MRPL42: variants seen among roughly 807,000 people sequenced by gnomAD.
MRPL42 encodes large ribosomal subunit protein mL42.
MRPL42 carries 17 observed loss-of-function variants against 17.9 expected under a neutral mutation model. The ratio of observed to expected loss-of-function variants is 0.95; its 90% CI spans 0.65 to 1.42. MRPL42 has a LOEUF of 1.42. MRPL42 is among the 40% of genes most tolerant of loss of function. The pLI is 0.00. For synonymous variants in MRPL42, 59 were observed against 54.4 expected, an observed-to-expected ratio of 1.08 and a Z score of -0.37; for missense variants, 177 against 175.2, an observed-to-expected ratio of 1.01 and a Z score of -0.06.
intron 5 of MRPL42, among the ~76,000 whole-genome samples, chr12:93,491,705 T>C (rs1953418366): frequency 6.6e-6 from 1 of 152,162 alleles, no homozygotes; most frequent in African/African-American, 2.4e-5. Context: ...TGGAGTATGA[T>C]TGAACCCATC....
chr12:93,497,091 C>T (rs1393808304), intron 5 of MRPL42, among the ~76,000 whole-genome samples: 8 of 151,928 alleles, frequency 5.3e-5, no homozygotes, highest in Admixed American at 5.2e-4. Flanking sequence ...AAACAACAAC[C>T]AAAAAGCTCT....
intron 5 of MRPL42, among the ~76,000 whole-genome samples, chr12:93,497,112 G>C (rs769355831): frequency 1.3e-5 from 2 of 152,076 alleles, no homozygotes; most frequent in Non-Finnish European, 2.9e-5. Flanking sequence ...GGACCAGACA[G>C]ATCCACAGCT....
chr12:93,503,139 A>C lies in MRPL42; in HGVS notation c.*1918A>C, dbSNP rs1489251110. The C allele has an allele frequency of 5.3e-5, 8 of 152,130 alleles. No homozygotes were observed. The highest frequency in any genetic ancestry group is 1.2e-4 in the Non-Finnish European group (8 of 68,026). The allele number at this position is 152,130 out of a possible 1,614,324, so 9.4% of individuals were successfully genotyped here. A position where few individuals can be genotyped will look rare whatever the true frequency, so the allele number is the denominator to read the frequency against. ...ATTCGTAAAGTGGGATGCTTCTTTA[A>C]TTTAAATACATTTAGCTTCATGAAA... On this transcript the variant is annotated 3_prime_UTR_variant, in exon 6 of 6. Coordinates refer to ENST00000549982, the MANE Select transcript of MRPL42 (RefSeq NM_014050.4).
rs1953645190 is a variant in MRPL42 at position 93,504,486 on chromosome 12, C to A, written c.*3265C>A. 1 of 152,322 alleles carries A rather than the reference C, an allele frequency of 6.6e-6. No individual in the cohort carries two copies. Among genetic ancestry groups the A allele is most frequent in the South Asian group, 2.1e-4 (1 of 4,838 alleles). The allele number at this position is 152,322 out of a possible 1,614,324, so 9.4% of individuals were successfully genotyped here. On this transcript the variant is annotated 3_prime_UTR_variant, in exon 6 of 6. Coordinates refer to ENST00000549982, the MANE Select transcript of MRPL42 (RefSeq NM_014050.4). ...ACATCAGTATATAGAAATATTTTCT[C>A]TTTAGTTCTATTAAAATTTTAAAAA...
rs1017254059 is a variant in MRPL42, at chr12:93,513,710, A to C, written c.*12489A>C. ...GTGTGTTCCAATTCTATTTATTGAA[A>C]TTTAATTTTATATCCATTAACATAA... is the stretch of plus-strand genomic sequence containing the variant. On this transcript the variant is annotated 3_prime_UTR_variant, in exon 6 of 6. Coordinates refer to ENST00000549982, the MANE Select transcript of MRPL42 (RefSeq NM_014050.4). The C allele has an allele frequency of 1.3e-5, 2 of 152,158 alleles. No individual in the cohort carries two copies. The highest frequency in any genetic ancestry group is 2.9e-5 in the Non-Finnish European group (2 of 68,020). 9.4% of individuals were successfully genotyped at this position (152,158 alleles called of 1,614,324 possible).
intron 4 of MRPL42, among the ~76,000 whole-genome samples, chr12:93,483,905 G>A (rs570601592): frequency 1.3e-5 from 2 of 151,910 alleles, no homozygotes; most frequent in African/African-American, 4.8e-5. Context: ...AAGCTTTTTT[G>A]TATTAAAATT....
chr12:93,485,224 G>A (rs983745278), intron 4 of MRPL42, among the ~76,000 whole-genome samples: 17 of 144,752 alleles, frequency 1.2e-4, no homozygotes, highest in Non-Finnish European at 1.4e-4. Context: ...ATGCAGTGGC[G>A]TGATCTTGGC....
At chr12:93,485,859 G>A (rs1880717496) in intron 4 of MRPL42, among the ~76,000 whole-genome samples, 1 of 152,066 alleles carries the variant, frequency 6.6e-6, no homozygotes, top group Admixed American at 6.6e-5. Context: ...TCAGGCAGGA[G>A]GGTACTGTGC....
intron 2 of MRPL42, among the ~76,000 whole-genome samples, chr12:93,473,081 AAT>A (rs917560826): frequency 6.6e-6 from 1 of 152,188 alleles, no homozygotes; most frequent in Admixed American, 6.5e-5. Flanking sequence ...AATGCAATTA[AAT>A]ATATATATGT....
chr12:93,478,308 C>T (rs193292899), intron 3 of MRPL42, among the ~76,000 whole-genome samples: 4 of 152,068 alleles, frequency 2.6e-5, no homozygotes, highest in Admixed American at 6.6e-5. Flanking sequence ...AGTGCAGTGG[C>T]GCTATGTCAG....
chr12:93,501,293 T>G lies in MRPL42; in HGVS notation c.*72T>G. 1 of 1,106,374 alleles carries G rather than the reference T, an allele frequency of 9.0e-7. No homozygotes were observed. The highest frequency in any genetic ancestry group is 1.5e-5 in the South Asian group (1 of 67,302). 68.5% of individuals were successfully genotyped at this position (1,106,374 alleles called of 1,614,324 possible). ...ATTTGAGAAAATGCAGTCTGGTGTA[T>G]TCAGTAATATATAGTAAAGTAATAA... On this transcript the variant is annotated 3_prime_UTR_variant, in exon 6 of 6. Transcript: ENST00000549982.
chr12:93,489,449 A>C (rs1953369806), intron 5 of MRPL42, among the ~76,000 whole-genome samples: 1 of 151,980 alleles, frequency 6.6e-6, no homozygotes, highest in African/African-American at 2.4e-5. Flanking sequence ...AAAAATATTG[A>C]TTTTTTGGGG....
intron 5 of MRPL42, among the ~76,000 whole-genome samples, chr12:93,494,488 C>G (rs1353116858): frequency 6.6e-6 from 1 of 152,018 alleles, no homozygotes; most frequent in Non-Finnish European, 1.5e-5. Flanking sequence ...GGTTTTTGGC[C>G]CAAGCACCTA....
intron 1 of MRPL42, among the ~76,000 whole-genome samples, chr12:93,468,310 G>A (rs1313334798): frequency 6.6e-6 from 1 of 152,096 alleles, no homozygotes; most frequent in African/African-American, 2.4e-5. Context: ...TCACTATTGG[G>A]GGGAAGGGCA....
chr12:93,468,595 G>A (rs1205868044), intron 1 of MRPL42, among the ~76,000 whole-genome samples: 1 of 152,200 alleles, frequency 6.6e-6, no homozygotes, highest in Non-Finnish European at 1.5e-5. Flanking sequence ...AAATGGTGGT[G>A]AAAGTACGTT....
chr12:93,486,258 A>C (rs893603932), intron 4 of MRPL42, among the ~76,000 whole-genome samples: 2 of 152,226 alleles, frequency 1.3e-5, no homozygotes, highest in African/African-American at 4.8e-5. Flanking sequence ...TTTAAATTAC[A>C]ATAAAGCACT....
At chr12:93,486,876 C>G (rs933927730) in intron 4 of MRPL42, among the ~76,000 whole-genome samples, 1 of 151,320 alleles carries the variant, frequency 6.6e-6, no homozygotes, top group Non-Finnish European at 1.5e-5. Context: ...GTTGCCCAGG[C>G]TGGTCTTGAA....
intron 2 of MRPL42, chr12:93,470,609 C>T (rs895323043): frequency 9.7e-5 from 112 of 1,150,174 alleles, no homozygotes; most frequent in Non-Finnish European, 1.2e-4. Context: ...TCAACTCTTC[C>T]CTCCATCCCT....
At chr12:93,495,414 T>A (rs1008058477) in intron 5 of MRPL42, among the ~76,000 whole-genome samples, 2 of 152,110 alleles carry the variant, frequency 1.3e-5, no homozygotes, top group Non-Finnish European at 2.9e-5. Context: ...GTTTGTATTT[T>A]TTGGAGAGAT....
Sources: allele counts gnomAD v4.1 joint callset (sites outside exome capture counted in the v4.1 genomes callset), GRCh38; gene constraint gnomAD v4.1.1; transcripts MANE v1.5; gene names NCBI Gene and HGNC (gene_info 2026-07-23, HGNC 2026-07-21).